The following IFT122 variants were observed in gnomAD, a reference collection of about 807,000 sequenced individuals.
IFT122 encodes intraflagellar transport 122.
IFT122 carries 118 observed loss-of-function variants against 161.6 expected under a neutral mutation model. The observed-to-expected ratio is 0.73, with a 90% CI of 0.63 to 0.85. The LOEUF (loss-of-function observed/expected upper bound fraction) is 0.85. Among genes scored for constraint, IFT122 ranks in the 40% least tolerant of loss-of-function variants. The pLI, the probability that IFT122 is intolerant of heterozygous loss-of-function variation, is 0.00. For missense variants in IFT122, 1,381 were observed against 1,579.6 expected, an observed-to-expected ratio of 0.87 and a Z score of 2.13; for synonymous variants, 550 against 602.4, an observed-to-expected ratio of 0.91 and a Z score of 1.27.
At position 129,515,457 on chromosome 3, in the gene IFT122, G is replaced by A. The variant is rs553240103; in HGVS notation, c.3154-31G>A. The A allele has an allele frequency of 4.8e-5, 53 of 1,113,754 alleles. No individual in the cohort carries two copies. In the East Asian group the frequency reaches 5.1e-4, roughly 11 times the overall value. 69.0% of individuals were successfully genotyped at this position (1,113,754 alleles called of 1,614,324 possible). The stretch of plus-strand genomic sequence containing the variant: ...GGGGAGGAGGACACGTGCCTGCCCC[G>A]GCCCCTCGGGAGTCCGTGGCTGTTT... On this transcript the variant is annotated intron_variant, in intron 25 of 29. Coordinates refer to ENST00000348417, the MANE Select transcript of IFT122 (RefSeq NM_052989.3).
chr3:129,448,016 C>T (rs1266566559), intron 1 of IFT122, among the ~76,000 whole-genome samples: 1 of 152,112 alleles, frequency 6.6e-6, no homozygotes, highest in East Asian at 1.9e-4. Flanking sequence ...TTCTCACTTT[C>T]ATGTCTTTGC....
chr3:129,503,959 G>A (rs541301762), intron 20 of IFT122: 2 of 351,570 alleles, frequency 5.7e-6, no homozygotes, highest in Non-Finnish European at 1.1e-5. Flanking sequence ...TGATGATAAT[G>A]TCAATTCTGT....
intron 3 of IFT122, among the ~76,000 whole-genome samples, chr3:129,453,955 TG>T (rs1165418228): frequency 2.0e-5 from 3 of 152,218 alleles, no homozygotes; most frequent in African/African-American, 7.2e-5. Context: ...GATTTCTTCA[TG>T]TATCAAATGG....
At position 129,508,893 on chromosome 3, in the gene IFT122, C is replaced by G. The variant is rs1283597331; in HGVS notation, c.2886+1131C>G. Among the ~76,000 whole-genome samples the G allele has an allele frequency of 1.2e-4, 19 of 152,150 alleles. 1 individual carries two copies. Among genetic ancestry groups the G allele is most frequent in the Admixed American group, 1.2e-3 (19 of 15,276 alleles). On this transcript the variant is annotated intron_variant, in intron 23 of 29. Transcript: ENST00000348417. Reference sequence around the variant, plus strand: ...ATTGGGCCCTTTCTGTGAACCAGTGCCAGCTGCAGGTGTTGCAGTTTTCGG... The same window carrying G: ...ATTGGGCCCTTTCTGTGAACCAGTGGCAGCTGCAGGTGTTGCAGTTTTCGG...
intron 25 of IFT122, 185 bp downstream of exon 25, chr3:129,514,739 C>T (rs1314444457): frequency 2.2e-5 from 16 of 728,376 alleles, no homozygotes; most frequent in Admixed American, 6.3e-5. Flanking sequence ...CTGTTCTCCC[C>T]GCAGTCCACC....
rs1484189844 is a variant in IFT122 at position 129,451,983 on chromosome 3, G to T, written c.178G>T (p.Ala60Ser). 6.2e-7 allele frequency: 1 copy of T among 1,613,048 alleles called. No individual in the cohort carries two copies. The highest frequency in any genetic ancestry group is 1.7e-5 in the Admixed American group (1 of 60,020). ...ACACAAAGACACTGTGTACTGTGTGGCATATGCGAAGGATGGTAAAAGGCT... is the reference window on the plus strand; with the variant it reads ...ACACAAAGACACTGTGTACTGTGTGTCATATGCGAAGGATGGTAAAAGGCT... The part of the protein sequence containing the change: ...KGHKDTVYCV[A>S]YAKDGKRFAS... The change falls in exon 3 of 30, where the codon GCA becomes TCA. Residue 60 changes from alanine to serine, a missense_variant. This residue lies in a region of IFT122 where 134 missense variants were observed against 137.4 expected (regional missense o/e 0.98). Coordinates refer to ENST00000348417, the MANE Select transcript of IFT122 (RefSeq NM_052989.3).
Position 129,495,548 on chromosome 3 carries a change from G to T in IFT122, c.2149G>T (p.Gly717Trp). ...HEAAKLYKRS[G>W]HENLALEMYT... Reference sequence around the variant, plus strand: ...GGCCGCCAAACTGTACAAGAGGAGTGGGCACGAGAACCTCGCGCTTGAAAT... The same window carrying T: ...GGCCGCCAAACTGTACAAGAGGAGTTGGCACGAGAACCTCGCGCTTGAAAT... Residue 717 changes from glycine to tryptophan, a missense_variant, in exon 18 of 30, where the codon GGG (glycine) becomes TGG (tryptophan). This residue lies in a region of IFT122 where 496 missense variants were observed against 502.5 expected (regional missense o/e 0.99). Transcript: ENST00000348417. 6.2e-7 allele frequency: 1 copy of T among 1,614,140 alleles called. No homozygotes were observed. The highest frequency in any genetic ancestry group is 1.1e-5 in the South Asian group (1 of 91,082).
rs747550814 is a variant in IFT122, at chr3:129,479,796, G to A, written c.1362G>A (p.Leu454=). ...GGTTTGCTTCCTAGGAGAAACGGCT[G>A]CAGTGCCTGTCCTTCAGCGGAGTGA... ...NHIILCQEKR[L]QCLSFSGVKE... The change falls in exon 13 of 30, where the codon CTG becomes CTA. Residue 454 remains leucine, a synonymous_variant. Coordinates refer to ENST00000348417, the MANE Select transcript of IFT122 (RefSeq NM_052989.3). 2 of 1,614,040 alleles carry A rather than the reference G, an allele frequency of 1.2e-6. No homozygotes were observed. The highest frequency in any genetic ancestry group is 1.7e-6 in the Non-Finnish European group (2 of 1,180,038).
In IFT122 at chr3:129,515,510, G is replaced by A. The variant is rs200694449; in HGVS notation, c.3176G>A (p.Arg1059His). ...TAGGAGTTGGTGCCCTTGTGCTACC[G>A]CTGCTCCACCAACAACCCGCTGCTC... ...DSEELVPLCYRCSTNNPLLNN... is the reference protein window; with the variant it reads ...DSEELVPLCYHCSTNNPLLNN... Residue 1059 changes from arginine (R) to histidine (H), a missense_variant, in exon 26 of 30, where the codon CGC (arginine) becomes CAC (histidine). By Grantham distance (29) the Arg-to-His change is conservative. Around this residue, in one of 7 missense-constraint regions of IFT122, gnomAD observed 20 missense variants for 54.2 expected, o/e 0.37. Transcript: ENST00000348417. The A allele has an allele frequency of 1.6e-5, 24 of 1,537,892 alleles. 1 individual carries two copies. The highest frequency in any genetic ancestry group is 7.9e-5 in the South Asian group (7 of 88,856).
Position 129,461,225 on chromosome 3 carries a change from C to G in IFT122, c.273-3C>G, listed in dbSNP as rs763938738. ...TAGTAATCTACAGTTGTTTACTTCC[C>G]AGGCACAATGATGCTATACAATGTG... On this transcript the variant is annotated splice_polypyrimidine_tract_variant and splice_region_variant and intron_variant, in intron 4 of 29. Coordinates refer to ENST00000348417, the MANE Select transcript of IFT122 (RefSeq NM_052989.3). 6.2e-7 allele frequency: 1 copy of G among 1,610,082 alleles called. No homozygotes were observed. The highest frequency in any genetic ancestry group is 1.1e-5 in the South Asian group (1 of 90,994).
At chr3:129,463,531 A>G (rs1185682019) in intron 5 of IFT122, 29 bp from the exon 6 acceptor site, 4 of 1,597,454 alleles carry the variant, frequency 2.5e-6, no homozygotes, top group Non-Finnish European at 3.4e-6. Flanking sequence ...CAACCAATCC[A>G]TCTTCTTTTA....
At chr3:129,518,772 G>T (rs557488968) in intron 27 of IFT122, among the ~76,000 whole-genome samples, 88 of 152,296 alleles carry the variant, frequency 5.8e-4, no homozygotes, top group Non-Finnish European at 1.0e-3. Flanking sequence ...CATCACAAGT[G>T]CCCGCAGACC....
In IFT122 at chr3:129,515,612, A is replaced by G. The variant is rs376934499; in HGVS notation, c.3265+13A>G. Reference sequence around the variant, plus strand: ...GCCTCTTCCTACGGTGAGTCCCTGCATCCTGAGCATGTGGGTGGGACAGCC... The same window carrying G: ...GCCTCTTCCTACGGTGAGTCCCTGCGTCCTGAGCATGTGGGTGGGACAGCC... On this transcript the variant is annotated intron_variant, in intron 26 of 29. Coordinates refer to ENST00000348417, the MANE Select transcript of IFT122 (RefSeq NM_052989.3). The G allele has an allele frequency of 2.1e-6, 3 of 1,442,398 alleles. No individual in the cohort carries two copies. Among genetic ancestry groups the G allele is most frequent in the African/African-American group, 1.4e-5 (1 of 70,484 alleles). 89.3% of individuals were successfully genotyped at this position (1,442,398 alleles called of 1,614,324 possible).
At chr3:129,491,872 G>A (rs1452252906) in intron 16 of IFT122, among the ~76,000 whole-genome samples, 3 of 152,172 alleles carry the variant, frequency 2.0e-5, no homozygotes, top group Admixed American at 2.0e-4. Context: ...CACAGACTGT[G>A]GCATCACGGT....
chr3:129,466,849 T>C (rs1236045563), intron 7 of IFT122, 41 bp from the exon 8 acceptor site: 1 of 1,584,792 alleles, frequency 6.3e-7, no homozygotes, highest in African/African-American at 1.3e-5. Context: ...TTAGTGTAGT[T>C]CTAGGCAATG....
rs1446900648 is a variant in IFT122, at chr3:129,440,385, C to T, written c.41+14C>T. 1 of 1,549,954 alleles carries T rather than the reference C, an allele frequency of 6.5e-7. No homozygotes were observed. The highest frequency in any genetic ancestry group is 2.4e-5 in the East Asian group (1 of 40,908). ...AGCCGAGCACTGGTGAGGAGCGGGGCGGTTCGCGAAGAGCAGGAGGTCGAG... is the reference window on the plus strand; with the variant it reads ...AGCCGAGCACTGGTGAGGAGCGGGGTGGTTCGCGAAGAGCAGGAGGTCGAG... On this transcript the variant is annotated intron_variant, in intron 1 of 29. Transcript: ENST00000348417.
intron 22 of IFT122, 55 bp from the exon 23 acceptor site, chr3:129,507,613 G>T: frequency 7.1e-7 from 1 of 1,402,452 alleles, no homozygotes; most frequent in Non-Finnish European, 1.0e-6. Flanking sequence ...GGGGCCAGTT[G>T]GCAGCCACAG....
intron 8 of IFT122, among the ~76,000 whole-genome samples, chr3:129,468,963 C>T (rs1182622519): frequency 6.6e-6 from 1 of 152,192 alleles, no homozygotes; most frequent in African/African-American, 2.4e-5. Context: ...GTTTCTCTGC[C>T]ATCTCCCCAC....
chr3:129,466,058 C>T (rs2076738678), intron 7 of IFT122, among the ~76,000 whole-genome samples: 1 of 152,034 alleles, frequency 6.6e-6, no homozygotes, highest in Non-Finnish European at 1.5e-5. Context: ...ATCCACCCAC[C>T]TCAGCCTCCC....
Sources: allele counts gnomAD v4.1 joint callset (sites outside exome capture counted in the v4.1 genomes callset), GRCh38; gene constraint gnomAD v4.1.1; regional missense constraint gnomAD v4.1.1; transcripts MANE v1.5; gene names NCBI Gene and HGNC (gene_info 2026-07-23, HGNC 2026-07-21).